Variants in SEC14L1 observed in about 807,000 individuals in gnomAD.
The protein encoded by SEC14L1 is SEC14 like lipid binding 1, also known as SEC14-like protein 1.
Under a neutral mutation model 85.3 loss-of-function variants are expected in SEC14L1, and 48 were observed. The ratio of observed to expected loss-of-function variants is 0.56; its 90% confidence interval spans 0.45 to 0.72. The LOEUF (loss-of-function observed/expected upper bound fraction) is 0.72, where lower values mean the gene tolerates loss of function less well. Ranked by LOEUF, SEC14L1 falls within the 30% of genes least tolerant of loss-of-function variation. The pLI is 0.00. For missense variants in SEC14L1, 682 were observed against 921.4 expected (o/e 0.74, Z 3.36); for synonymous variants, 391 against 355.5 (o/e 1.10, Z -1.12).
At chr17:77,126,044 G>A (rs1016355837) in intron 3 of SEC14L1, among the ~76,000 whole-genome samples, 1 of 152,192 alleles carries the variant, frequency 6.6e-6, no homozygotes, top group African/African-American at 2.4e-5. Context: ...CCAGCTACTT[G>A]GAAGGCTGAG....
chr17:77,133,064 G>A (rs1972662181), intron 3 of SEC14L1, among the ~76,000 whole-genome samples: 1 of 151,834 alleles, frequency 6.6e-6, no homozygotes, highest in Non-Finnish European at 1.5e-5. Context: ...GTAGAGACAA[G>A]GTCTCACTAT....
At position 77,168,214 on chromosome 17, in the gene SEC14L1, A is replaced by C. The variant is rs142047475; in HGVS notation, c.64-22589A>C. On this transcript the variant is annotated intron_variant, in intron 3 of 16. Coordinates refer to ENST00000436233, the MANE Select transcript of SEC14L1 (RefSeq NM_001143998.2). ...TATAAGGAGGTTGGGCTTCTGAACA[A>C]AGAGCAAGAACGTTACACAGTTAAA... is the stretch of plus-strand genomic sequence containing the variant. Among the ~76,000 whole-genome samples the C allele has an allele frequency of 5.0e-3, 758 of 152,318 alleles. 18 individuals are homozygous for C. The highest frequency in any genetic ancestry group is 2.8e-3 in the Non-Finnish European group (188 of 68,024).
intron 3 of SEC14L1, among the ~76,000 whole-genome samples, chr17:77,114,668 C>T (rs1398654680): frequency 2.0e-5 from 3 of 151,452 alleles, no homozygotes; most frequent in South Asian, 4.2e-4. Context: ...AACCCCGTCT[C>T]TACTAAAAAT....
intron 3 of SEC14L1, among the ~76,000 whole-genome samples, chr17:77,147,498 C>T (rs1444066761): frequency 6.6e-6 from 1 of 152,072 alleles, no homozygotes; most frequent in African/African-American, 2.4e-5. Flanking sequence ...AGCCCAGAAA[C>T]AGAATGTCAG....
intron 3 of SEC14L1, among the ~76,000 whole-genome samples, chr17:77,186,609 G>T (rs996178708): frequency 1.3e-5 from 2 of 152,228 alleles, no homozygotes; most frequent in Non-Finnish European, 2.9e-5. Flanking sequence ...TTGTAACGTT[G>T]TGGAGAGAAA....
rs1308483211 is a variant in SEC14L1, at chr17:77,206,746, G to C, written c.1360G>C (p.Asp454His). 3.7e-6 allele frequency: 6 copies of C among 1,610,674 alleles called. No homozygotes were observed. Among genetic ancestry groups the C allele is most frequent in the Non-Finnish European group, 4.2e-6 (5 of 1,178,996 alleles). Residue 454 changes from aspartate (D) to histidine (H), a missense_variant, in exon 13 of 17, where the codon GAC (aspartate) becomes CAC (histidine). Transcript: ENST00000436233. This position sits in a 1 kb window ranked among gnomAD's most constrained non-coding sequence, Gnocchi z 4.3. ...CTCACAGGTTAGTCCGTTCATTGATGACAACACCAGAAGGAAGTTCCTCAT... is the reference window on the plus strand; with the variant it reads ...CTCACAGGTTAGTCCGTTCATTGATCACAACACCAGAAGGAAGTTCCTCAT... The part of the protein sequence containing the change: ...LWTLVSPFID[D>H]NTRRKFLIYA...
At chr17:77,173,207 A>G (rs1974597560) in intron 3 of SEC14L1, among the ~76,000 whole-genome samples, 1 of 152,212 alleles carries the variant, frequency 6.6e-6, no homozygotes, top group Admixed American at 6.5e-5. Context: ...CTTAAGGGGA[A>G]GAGAGTTGGA....
intron 3 of SEC14L1, among the ~76,000 whole-genome samples, chr17:77,119,156 A>G (rs951773549): frequency 5.3e-5 from 8 of 152,064 alleles, no homozygotes; most frequent in African/African-American, 2.4e-5. Flanking sequence ...CTAAAAATAC[A>G]AAAATTAGCC....
chr17:77,216,289 G>C lies in SEC14L1; in HGVS notation c.*2266G>C, dbSNP rs565128468. 6 of 1,300,968 alleles carry C rather than the reference G, an allele frequency of 4.6e-6. No homozygotes were observed. Among genetic ancestry groups the C allele is most frequent in the African/African-American group, 1.6e-5 (1 of 64,374 alleles). 80.6% of individuals were successfully genotyped at this position (1,300,968 alleles called of 1,614,324 possible). A position where few individuals can be genotyped will look rare whatever the true frequency, so the allele number is the denominator to read the frequency against. ...TTCGTAGGTAGGGTTAGTAGGTAGG[G>C]TTCGTAGGTAGGGCTAGTAGGTAGG... On this transcript the variant is annotated 3_prime_UTR_variant, in exon 17 of 17. Transcript: ENST00000436233.
chr17:77,133,639 A>G (rs1425961281), intron 3 of SEC14L1, among the ~76,000 whole-genome samples: 1 of 152,094 alleles, frequency 6.6e-6, no homozygotes, highest in African/African-American at 2.4e-5. Context: ...AGGAGAACTC[A>G]CTAATAAAGA....
intron 3 of SEC14L1, among the ~76,000 whole-genome samples, chr17:77,113,893 G>A (rs1326133637): frequency 6.6e-6 from 1 of 152,154 alleles, no homozygotes. Flanking sequence ...TAAAGCTTCC[G>A]CTTCCCTCTG....
intron 3 of SEC14L1, among the ~76,000 whole-genome samples, chr17:77,175,338 C>G (rs1974705688): frequency 6.6e-6 from 1 of 152,196 alleles, no homozygotes; most frequent in East Asian, 1.9e-4. Flanking sequence ...AAAGACAGCA[C>G]TTGACTTTTA....
chr17:77,215,057 TCATG>T lies in SEC14L1; in HGVS notation c.*1036_*1039del, dbSNP rs1462537033. On this transcript the variant is annotated 3_prime_UTR_variant, in exon 17 of 17. Coordinates refer to ENST00000436233, the MANE Select transcript of SEC14L1 (RefSeq NM_001143998.2). ...TTCTTTGTACATGGGAATTGTGGAC[TCATG>T]CGTGTGTGTGTGTGCATGTGCTGTG... 312 of 980,162 alleles carry T rather than the reference TCATG, an allele frequency of 3.2e-4. No homozygotes were observed. Among genetic ancestry groups the T allele is most frequent in the Non-Finnish European group, 3.5e-4 (293 of 826,664 alleles). The allele number at this position is 980,162 out of a possible 1,614,324, so 60.7% of individuals were successfully genotyped here.
chr17:77,135,573 ATC>A (rs1170222713), intron 3 of SEC14L1, among the ~76,000 whole-genome samples: 2 of 151,474 alleles, frequency 1.3e-5, no homozygotes, highest in African/African-American at 4.9e-5. Context: ...CTCTCAGGCT[ATC>A]TCTCAGGCTG....
At chr17:77,103,144 C>T (rs1213372843) in intron 3 of SEC14L1, among the ~76,000 whole-genome samples, 2 of 151,434 alleles carry the variant, frequency 1.3e-5, no homozygotes, top group African/African-American at 4.9e-5. Flanking sequence ...AGGGAGTCTT[C>T]CTCTGTAGTC....
intron 3 of SEC14L1, among the ~76,000 whole-genome samples, chr17:77,167,331 T>C (rs187093266): frequency 7.8e-4 from 119 of 152,134 alleles, no homozygotes; most frequent in African/African-American, 2.7e-3. Context: ...GAAAGGGTTT[T>C]GCCATGTTGG....
rs750379199 is a variant in SEC14L1, at chr17:77,143,552, A to G, written c.-30-15A>G. 6.6e-6 allele frequency: 10 copies of G among 1,507,798 alleles called. No individual in the cohort carries two copies. The highest frequency in any genetic ancestry group is 3.4e-5 in the Admixed American group (2 of 59,158). The allele number at this position is 1,507,798 out of a possible 1,614,324, so 93.4% of individuals were successfully genotyped here. ...TGCATTGTGGTTACTTATCACATAT[A>G]TTTATGTTTTGCAGGTGTGAGAGGG... On this transcript the variant is annotated splice_polypyrimidine_tract_variant and intron_variant, in intron 2 of 16. Coordinates refer to ENST00000436233, the MANE Select transcript of SEC14L1 (RefSeq NM_001143998.2).
intron 3 of SEC14L1, among the ~76,000 whole-genome samples, chr17:77,147,015 C>T (rs527358542): frequency 2.0e-5 from 3 of 152,182 alleles, no homozygotes; most frequent in East Asian, 1.9e-4. Context: ...AAGGTGAGAA[C>T]GGAACCGTAG....
chr17:77,164,353 G>A (rs557780755), intron 3 of SEC14L1, among the ~76,000 whole-genome samples: 1 of 152,330 alleles, frequency 6.6e-6, no homozygotes, highest in African/African-American at 2.4e-5. Context: ...TGGTTTGAGG[G>A]AGGACTGCCC....
Sources: allele counts gnomAD v4.1 joint callset (sites outside exome capture counted in the v4.1 genomes callset), GRCh38; gene constraint gnomAD v4.1.1; non-coding constraint Gnocchi (gnomAD v3.1); transcripts MANE v1.5; gene names NCBI Gene and HGNC (gene_info 2026-07-23, HGNC 2026-07-21).